PCDHA12: variants seen among roughly 807,000 people sequenced by gnomAD.
The protein encoded by PCDHA12 is protocadherin alpha 12, also known as protocadherin alpha-12.
A neutral mutation model predicts 60.0 loss-of-function variants in PCDHA12; 44 were observed. The observed-to-expected ratio is 0.73, with a 90% CI of 0.58 to 0.94. The LOEUF (loss-of-function observed/expected upper bound fraction) is 0.94, where lower values mean the gene tolerates loss of function less well. Ranked by LOEUF, PCDHA12 falls within the 40% of genes least tolerant of loss-of-function variation. The probability of loss-of-function intolerance (pLI) is 0.00; values close to 1 mark genes in which losing one functional copy is unlikely to be tolerated. For synonymous variants in PCDHA12, 569 were observed against 553.0 expected (o/e 1.03, Z -0.40); for missense variants, 1,276 against 1,239.7 (o/e 1.03, Z -0.44).
intron 1 of PCDHA12, among the ~76,000 whole-genome samples, chr5:140,941,239 C>CTTTCTTTCT (rs2092936825): frequency 7.4e-6 from 1 of 134,500 alleles, no homozygotes; most frequent in South Asian, 2.4e-4. Context: ...TTCTTTCTTT[C>CTTTCTTTCT]TTTCTTTCTT....
chr5:140,941,173 A>G (rs1235741316), intron 1 of PCDHA12, among the ~76,000 whole-genome samples: 5 of 135,522 alleles, frequency 3.7e-5, no homozygotes, highest in Non-Finnish European at 4.9e-5. Flanking sequence ...CCCCATCTTG[A>G]ACATCCTGCT....
At chr5:140,916,072 AC>A (rs1445012621) in intron 1 of PCDHA12, among the ~76,000 whole-genome samples, 4 of 152,054 alleles carry the variant, frequency 2.6e-5, no homozygotes, top group Non-Finnish European at 5.9e-5. Flanking sequence ...TGTGGCCAGT[AC>A]TACCACTGGT....
At chr5:140,941,202 CCTTTCTTT>C (rs797023184) in intron 1 of PCDHA12, among the ~76,000 whole-genome samples, 5 of 122,740 alleles carry the variant, frequency 4.1e-5, no homozygotes, top group Non-Finnish European at 9.0e-5. Context: ...TTTCTTTCTT[CCTTTCTTT>C]CTTCCTTTCT....
chr5:140,884,428 G>T, intron 1 of PCDHA12: 1 of 1,613,962 alleles, frequency 6.2e-7, no homozygotes, highest in East Asian at 2.2e-5. Flanking sequence ...TGTATACTGC[G>T]CTGCGGTGCT....
intron 1 of PCDHA12, among the ~76,000 whole-genome samples, chr5:140,921,161 T>A (rs201050388): frequency 2.1e-5 from 3 of 141,450 alleles, no homozygotes; most frequent in African/African-American, 5.2e-5. Context: ...ATTTTTTTTT[T>A]AACACACATA....
At chr5:140,924,881 C>T (rs1177812297) in intron 1 of PCDHA12, among the ~76,000 whole-genome samples, 20 of 141,170 alleles carry the variant, frequency 1.4e-4, no homozygotes, top group African/African-American at 5.5e-4. Flanking sequence ...GGTGACAGAG[C>T]AAGAACCTGT....
Position 140,876,524 on chromosome 5 carries a change from T to A in PCDHA12, c.1052T>A (p.Met351Lys). 6.2e-7 allele frequency: 1 copy of A among 1,614,136 alleles called. No individual in the cohort carries two copies. The highest frequency in any genetic ancestry group is 8.5e-7 in the Non-Finnish European group (1 of 1,179,986). ...LDVNDNVPEV[M>K]VTSLSLPVQE... ...GTGAATGACAATGTCCCTGAAGTAA[T>A]GGTTACTTCACTGTCGCTCCCTGTG... Residue 351 changes from methionine to lysine, a missense_variant, in exon 1 of 4, where the codon ATG becomes AAG. Met to Lys is a moderately conservative substitution (Grantham distance 95). Transcript: ENST00000398631.
At chr5:140,943,718 C>G (rs2093552773) in intron 1 of PCDHA12, among the ~76,000 whole-genome samples, 1 of 152,020 alleles carries the variant, frequency 6.6e-6, no homozygotes, top group South Asian at 2.1e-4. Flanking sequence ...ATTTAAAGGT[C>G]TGAGAGAATG....
intron 1 of PCDHA12, chr5:140,883,623 C>A: frequency 6.2e-7 from 1 of 1,613,988 alleles, no homozygotes; most frequent in Non-Finnish European, 8.5e-7. Context: ...AACGACAACG[C>A]GCCGGCGTTC....
rs143656335 is a variant in PCDHA12, at chr5:140,968,986, A to G, written c.2368-9963A>G. 244 of 1,614,206 alleles carry G rather than the reference A, an allele frequency of 1.5e-4. No individual in the cohort carries two copies. In the African/African-American group the frequency reaches 3.0e-3, roughly 20 times the overall value. On this transcript the variant is annotated intron_variant, in intron 1 of 3. Transcript: ENST00000398631. ...ACCGCTACACTGCGTATGGCACTGC[A>G]TGCTGTGGAGGCTTCTGTGGAGTAA...
At chr5:140,914,228 C>T (rs2076644066) in intron 1 of PCDHA12, among the ~76,000 whole-genome samples, 1 of 152,084 alleles carries the variant, frequency 6.6e-6, no homozygotes, top group Admixed American at 6.6e-5. Flanking sequence ...AGCTCTAATA[C>T]TATTTGCTTT....
rs782428764 is a variant in PCDHA12, at chr5:140,876,099, T to C, written c.627T>C (p.Asn209=). The C allele has an allele frequency of 4.3e-6, 7 of 1,613,954 alleles. No homozygotes were observed. The highest frequency in any genetic ancestry group is 1.6e-4 in the Middle Eastern group (1 of 6,062). Residue 209 remains asparagine (N), a synonymous_variant, in exon 1 of 4, where the codon AAT becomes AAC. Coordinates refer to ENST00000398631, the MANE Select transcript of PCDHA12 (RefSeq NM_018903.4). ...LLDREQTPKL[N]LLLMVIDGGK... ...ACAGAGAGCAAACGCCAAAACTCAA[T>C]TTATTGCTGATGGTAATCGATGGCG... is the stretch of plus-strand genomic sequence containing the variant.
Position 140,929,023 on chromosome 5 carries a change from C to G in PCDHA12, c.2368-49926C>G, listed in dbSNP as rs2085741813. On this transcript the variant is annotated intron_variant, in intron 1 of 3. Transcript: ENST00000398631. ...CGTGTGTACCAAGTTGCACCAGAGCCCAGGCTGTTGCGCTCAGAGCTGCTG... is the reference window on the plus strand; with the variant it reads ...CGTGTGTACCAAGTTGCACCAGAGCGCAGGCTGTTGCGCTCAGAGCTGCTG... 2.5e-6 allele frequency: 4 copies of G among 1,614,056 alleles called. No homozygotes were observed. The Admixed American group carries it at 6.7e-5, about 27-fold the overall frequency.
chr5:140,879,895 G>A (rs1176160335), intron 1 of PCDHA12, among the ~76,000 whole-genome samples: 2 of 152,112 alleles, frequency 1.3e-5, no homozygotes, highest in African/African-American at 4.8e-5. Context: ...TCCTCTCCAT[G>A]TCTCTCTCTA....
intron 1 of PCDHA12, among the ~76,000 whole-genome samples, chr5:140,952,416 G>A (rs114343205): frequency 2.1e-3 from 324 of 151,824 alleles, no homozygotes; most frequent in African/African-American, 7.0e-3. Flanking sequence ...TTAATGTTCC[G>A]CAGATTCCTA....
chr5:140,994,189 G>T (rs992894961), intron 3 of PCDHA12, among the ~76,000 whole-genome samples: 2 of 152,176 alleles, frequency 1.3e-5, no homozygotes, highest in Admixed American at 6.5e-5. Context: ...AACCACCAGG[G>T]CCTGTTGGTC....
chr5:140,941,748 T>G (rs2093156951), intron 1 of PCDHA12, among the ~76,000 whole-genome samples: 1 of 152,210 alleles, frequency 6.6e-6, no homozygotes, highest in South Asian at 2.1e-4. Flanking sequence ...CTTATCAGAT[T>G]TTCAGTGCTT....
chr5:140,928,473 C>T (rs782009999), intron 1 of PCDHA12: 1 of 1,613,978 alleles, frequency 6.2e-7, no homozygotes, highest in Admixed American at 1.7e-5. Context: ...AAGTAGAAGG[C>T]CGGGATGGTG....
At chr5:140,990,981 A>G (rs1554251870) in intron 3 of PCDHA12, among the ~76,000 whole-genome samples, 1 of 152,206 alleles carries the variant, frequency 6.6e-6, no homozygotes, top group Non-Finnish European at 1.5e-5. Context: ...AGAAAGGAAG[A>G]CAATAGCTAC....
Sources: gnomAD v4.1 joint callset for allele counts (sites outside exome capture counted in the v4.1 genomes callset) on GRCh38, gnomAD v4.1.1 for gene constraint, MANE v1.5 for transcripts, NCBI Gene and HGNC (gene_info 2026-07-23, HGNC 2026-07-21) for gene names.